Variants in CLSTN2 observed in about 807,000 individuals in gnomAD.
CLSTN2 encodes calsyntenin 2, also known as calsyntenin-2.
In CLSTN2, 48 loss-of-function variants were observed where a neutral mutation model predicts 101.2. The observed-to-expected ratio is 0.47, with a 90% CI of 0.38 to 0.60. CLSTN2 has a LOEUF of 0.60. Ranked by LOEUF, CLSTN2 falls within the 20% of genes least tolerant of loss-of-function variation. The pLI, the probability that CLSTN2 is intolerant of heterozygous loss-of-function variation, is 0.00. For missense variants in CLSTN2, 1,160 were observed against 1,238.2 expected, an observed-to-expected ratio of 0.94 and a Z score of 0.95; for synonymous variants, 481 against 463.6, an observed-to-expected ratio of 1.04 and a Z score of -0.48.
In CLSTN2 at chr3:140,320,612, G is replaced by A. The variant is rs571216157; in HGVS notation, c.233-83017G>A. ...TCCATTGTATTTGTGTTTTTTTTGC[G>A]GGGGGGGGCAGGGGTCAATACACAT... On this transcript the variant is annotated intron_variant, in intron 2 of 16. Coordinates refer to ENST00000458420, the MANE Select transcript of CLSTN2 (RefSeq NM_022131.3). 8.3e-5 allele frequency among the ~76,000 whole-genome samples: 12 copies of A among 144,462 alleles called. No individual in the cohort carries two copies. The South Asian group carries it at 2.8e-3, about 33-fold the overall frequency. The allele number at this position is 144,462 out of a possible 152,430, so 94.8% of individuals were successfully genotyped here. A position where few individuals can be genotyped will look rare whatever the true frequency, so the allele number is the denominator to read the frequency against.
At chr3:140,440,141 A>G (rs2088745015) in intron 5 of CLSTN2, among the ~76,000 whole-genome samples, 1 of 152,162 alleles carries the variant, frequency 6.6e-6, no homozygotes, top group Admixed American at 6.5e-5. Context: ...GCTCCTTTAC[A>G]AAGTCACCTG....
At chr3:139,992,465 G>A (rs185932440) in intron 1 of CLSTN2, among the ~76,000 whole-genome samples, 2 of 152,150 alleles carry the variant, frequency 1.3e-5, no homozygotes, top group Non-Finnish European at 2.9e-5. Flanking sequence ...AAGCTCAGAA[G>A]AGAGGGCTCA....
chr3:140,203,461 GTTTTTTTTTTTTT>G (rs58182333), intron 2 of CLSTN2, among the ~76,000 whole-genome samples: 24 of 67,920 alleles, frequency 3.5e-4, no homozygotes, highest in Admixed American at 7.0e-4. Context: ...GAAAGTGTGG[GTTTTTTTTTTTTT>G]TTTTTTTTTT....
chr3:140,142,560 G>A (rs1389450647), intron 1 of CLSTN2, among the ~76,000 whole-genome samples: 1 of 152,164 alleles, frequency 6.6e-6, no homozygotes, highest in East Asian at 1.9e-4. Flanking sequence ...TATAGCAAAG[G>A]TCATTTGTGA....
chr3:140,196,469 G>A (rs2010644811), intron 2 of CLSTN2, among the ~76,000 whole-genome samples: 1 of 152,242 alleles, frequency 6.6e-6, no homozygotes, highest in Non-Finnish European at 1.5e-5. Context: ...AGGAACCAGA[G>A]TGGAATGGGT....
At chr3:140,348,061 G>A (rs2087566965) in intron 2 of CLSTN2, among the ~76,000 whole-genome samples, 1 of 152,168 alleles carries the variant, frequency 6.6e-6, no homozygotes, top group African/African-American at 2.4e-5. Context: ...AATGGCACAG[G>A]TACTGAGTGT....
chr3:140,503,159 G>C (rs143528325), intron 8 of CLSTN2, among the ~76,000 whole-genome samples: 1 of 152,078 alleles, frequency 6.6e-6, no homozygotes, highest in Admixed American at 6.5e-5. Flanking sequence ...GTGTAGCATT[G>C]GACCCACCTA....
Position 140,564,132 on chromosome 3 carries a change from T to G in CLSTN2, c.2654T>G (p.Val885Gly). The change falls in exon 16 of 17, where the codon GTC becomes GGC. Residue 885 changes from valine (V) to glycine (G), a missense_variant. Coordinates refer to ENST00000458420, the MANE Select transcript of CLSTN2 (RefSeq NM_022131.3). ...DWDDSALTIT[V>G]NPMEKHEGPG... ...GACGATTCTGCGCTGACTATCACAG[T>G]CAACCCCATGGAGGTGATCCTCATG... 6.2e-7 allele frequency: 1 copy of G among 1,613,904 alleles called. No individual in the cohort carries two copies. The highest frequency in any genetic ancestry group is 8.5e-7 in the Non-Finnish European group (1 of 1,179,930).
intron 4 of CLSTN2, among the ~76,000 whole-genome samples, chr3:140,410,791 C>T (rs1485670284): frequency 6.6e-6 from 1 of 151,976 alleles, no homozygotes; most frequent in East Asian, 1.9e-4. Context: ...AATTGTGGCA[C>T]AAAAATATAA....
intron 1 of CLSTN2, among the ~76,000 whole-genome samples, chr3:140,143,502 T>C (rs934747909): frequency 3.3e-5 from 5 of 152,222 alleles, no homozygotes; most frequent in African/African-American, 9.6e-5. Context: ...TTATTCAGTA[T>C]ACTGATTCAA....
chr3:140,377,920 G>C (rs930905913), intron 2 of CLSTN2, among the ~76,000 whole-genome samples: 1 of 152,060 alleles, frequency 6.6e-6, no homozygotes, highest in African/African-American at 2.4e-5. Flanking sequence ...CTGCATTCAT[G>C]GTAAGTGCCC....
intron 1 of CLSTN2, among the ~76,000 whole-genome samples, chr3:139,984,472 A>G (rs1365156): frequency 0.99 from 151,312 of 152,276 alleles, 75,186 homozygotes; most frequent in East Asian, 1. Flanking sequence ...TGCTCCAAGG[A>G]TTCTTCTTCA....
chr3:140,430,218 A>G (rs1360185684), intron 5 of CLSTN2, among the ~76,000 whole-genome samples: 1 of 152,166 alleles, frequency 6.6e-6, no homozygotes, highest in Non-Finnish European at 1.5e-5. Flanking sequence ...AGGGTGTCTG[A>G]GGTTCCACCA....
chr3:140,419,901 G>T (rs572878809), intron 4 of CLSTN2, among the ~76,000 whole-genome samples: 3 of 138,890 alleles, frequency 2.2e-5, no homozygotes, highest in Admixed American at 7.2e-5. Context: ...TTATTTTGTT[G>T]ATTTTTTTTT....
chr3:140,513,583 C>CTTCTTTTTTTTT (rs374321434), intron 8 of CLSTN2, among the ~76,000 whole-genome samples: 2 of 117,764 alleles, frequency 1.7e-5, no homozygotes, highest in Non-Finnish European at 1.7e-5. Flanking sequence ...TTTTTTCTTT[C>CTTCTTTTTTTTT]TTTTTTTTTT....
At chr3:139,950,954 G>A (rs570909993) in intron 1 of CLSTN2, among the ~76,000 whole-genome samples, 2 of 152,290 alleles carry the variant, frequency 1.3e-5, no homozygotes, top group East Asian at 1.9e-4. Context: ...ATATTGTGGC[G>A]ATGTGACTTT....
At chr3:140,322,398 A>G (rs935260836) in intron 2 of CLSTN2, among the ~76,000 whole-genome samples, 3 of 152,214 alleles carry the variant, frequency 2.0e-5, no homozygotes, top group Non-Finnish European at 4.4e-5. Context: ...TTTCTGCTTA[A>G]AGGACCTCAG....
At chr3:140,066,906 T>C (rs1015226145) in intron 1 of CLSTN2, among the ~76,000 whole-genome samples, 1 of 152,218 alleles carries the variant, frequency 6.6e-6, no homozygotes, top group African/African-American at 2.4e-5. Context: ...CTTCTGTCAC[T>C]CACGTCTCTA....
intron 2 of CLSTN2, among the ~76,000 whole-genome samples, chr3:140,246,318 C>T (rs753031152): frequency 1.3e-5 from 2 of 152,132 alleles, no homozygotes; most frequent in African/African-American, 2.4e-5. Context: ...AATCAGAGAG[C>T]GTTCCTGGTA....
Sources: allele counts gnomAD v4.1 joint callset (sites outside exome capture counted in the v4.1 genomes callset), GRCh38; gene constraint gnomAD v4.1.1; transcripts MANE v1.5; gene names NCBI Gene and HGNC (gene_info 2026-07-23, HGNC 2026-07-21).